The following CCDC102B variants were observed in gnomAD, a reference collection of about 807,000 sequenced individuals.
CCDC102B encodes coiled-coil domain containing 102B, also known as coiled-coil domain-containing protein 102B.
Under a neutral mutation model 57.4 loss-of-function variants are expected in CCDC102B, and 75 were observed. The observed-to-expected ratio is 1.31, with a 90% CI of 1.08 to 1.58. The LOEUF (loss-of-function observed/expected upper bound fraction) is 1.58, where lower values mean the gene tolerates loss of function less well. Among genes scored for constraint, CCDC102B ranks in the 40% most tolerant of loss-of-function variants. The pLI, the probability that CCDC102B is intolerant of heterozygous loss-of-function variation, is 0.00. For synonymous variants in CCDC102B, 206 were observed against 201.9 expected (o/e 1.02, Z -0.17); for missense variants, 636 against 582.6 (o/e 1.09, Z -0.94).
intron 5 of CCDC102B, among the ~76,000 whole-genome samples, chr18:68,878,914 T>C (rs949949404): frequency 6.6e-6 from 1 of 152,286 alleles, no homozygotes; most frequent in Admixed American, 6.5e-5. Flanking sequence ...TGGTGAGTGT[T>C]ACAGTTCTTA....
At position 68,905,715 on chromosome 18, in the gene CCDC102B, G is replaced by C. The variant is rs2040606338; in HGVS notation, c.1263+8287G>C. ...CCTAGCAACCGCACTTCTGCTTTCT[G>C]TCATTCTGGATTTCGGGATATTTCA... On this transcript the variant is annotated intron_variant, in intron 6 of 7. Coordinates refer to ENST00000360242, the MANE Select transcript of CCDC102B (RefSeq NM_024781.3). 3.4e-5 allele frequency among the ~76,000 whole-genome samples: 5 copies of C among 146,088 alleles called. No individual in the cohort carries two copies. The South Asian group carries it at 1.1e-3, about 32-fold the overall frequency.
At chr18:68,949,734 G>C (rs767246995) in intron 6 of CCDC102B, among the ~76,000 whole-genome samples, 1 of 151,682 alleles carries the variant, frequency 6.6e-6, no homozygotes, top group Non-Finnish European at 1.5e-5. Flanking sequence ...ATGTTTTTTC[G>C]TCTTTCGCTA....
chr18:68,854,881 A>G (rs991519402), intron 4 of CCDC102B, among the ~76,000 whole-genome samples: 1 of 152,140 alleles, frequency 6.6e-6, no homozygotes, highest in African/African-American at 2.4e-5. Flanking sequence ...TGTTTTTTCT[A>G]TATAAGTGGC....
chr18:68,904,501 CT>C, intron 6 of CCDC102B, among the ~76,000 whole-genome samples: 1 of 152,212 alleles, frequency 6.6e-6, no homozygotes, highest in Middle Eastern at 3.4e-3. Flanking sequence ...GAACAATGGT[CT>C]TTTGCCAAGT....
chr18:68,789,428 C>T (rs1176433687), intron 2 of CCDC102B, among the ~76,000 whole-genome samples: 5 of 152,162 alleles, frequency 3.3e-5, no homozygotes, highest in Admixed American at 3.3e-4. Context: ...AGAGTGTTTT[C>T]CAACTTGGTT....
At chr18:69,038,286 T>A (rs1160296758) in intron 7 of CCDC102B, among the ~76,000 whole-genome samples, 1 of 151,910 alleles carries the variant, frequency 6.6e-6, no homozygotes, top group African/African-American at 2.4e-5. Flanking sequence ...AACATAATAT[T>A]TTCAGTAACC....
chr18:68,763,500 C>T (rs889412821), intron 2 of CCDC102B, among the ~76,000 whole-genome samples: 7 of 152,070 alleles, frequency 4.6e-5, no homozygotes, highest in Admixed American at 3.9e-4. Flanking sequence ...AATGCTTGCT[C>T]AATAATAGCA....
intron 6 of CCDC102B, among the ~76,000 whole-genome samples, chr18:68,998,987 TATATATATATATAGAGAGAGAGAGAG>T (rs1192697388): frequency 3.7e-5 from 3 of 80,848 alleles, no homozygotes; most frequent in Non-Finnish European, 5.0e-5. Context: ...TATATATATA[TATATATATATATAGAGAGAGAGAGAG>T]AGAGAGAGAG....
At chr18:68,838,087 TG>T (rs1184351845) in intron 2 of CCDC102B, among the ~76,000 whole-genome samples, 1 of 152,190 alleles carries the variant, frequency 6.6e-6, no homozygotes, top group Non-Finnish European at 1.5e-5. Flanking sequence ...AAATTTAAAT[TG>T]TAGGCAAATA....
At chr18:68,810,691 T>A (rs1315306704) in intron 1 of CCDC102B, among the ~76,000 whole-genome samples, 116 of 142,632 alleles carry the variant, frequency 8.1e-4, no homozygotes, top group African/African-American at 3.1e-3. Flanking sequence ...TTTTTTTTTT[T>A]TTTTTTTTTT....
At chr18:68,810,690 T>TTA (rs1568263240) in intron 1 of CCDC102B, among the ~76,000 whole-genome samples, 7 of 138,892 alleles carry the variant, frequency 5.0e-5, no homozygotes, top group African/African-American at 1.5e-4. Flanking sequence ...GTTTTTTTTT[T>TTA]TTTTTTTTTT....
intron 7 of CCDC102B, among the ~76,000 whole-genome samples, chr18:69,014,200 C>A (rs1207046977): frequency 6.6e-6 from 1 of 152,168 alleles, no homozygotes; most frequent in Non-Finnish European, 1.5e-5. Context: ...AAGTGAGCTT[C>A]TAGTCTGGGC....
chr18:68,838,485 T>A, intron 2 of CCDC102B: 5 of 985,252 alleles, frequency 5.1e-6, no homozygotes, highest in Non-Finnish European at 6.0e-6. Context: ...GCAGAACTTT[T>A]GAGAAATGTA....
chr18:68,765,302 A>G lies in CCDC102B; in HGVS notation c.-67+48708A>G, dbSNP rs545941701. 7.6e-4 allele frequency among the ~76,000 whole-genome samples: 61 copies of G among 80,470 alleles called. No homozygotes were observed. In the South Asian group the frequency reaches 0.026, roughly 35 times the overall value. The allele number at this position is 80,470 out of a possible 152,430, so 52.8% of individuals were successfully genotyped here. ...AAGAAAGAAAAGAAAGAAAGGAAGG[A>G]AGGAAGGAAGGAAGGAAGGAAGGAA... On this transcript the variant is annotated intron_variant, in intron 2 of 3. Transcript: ENST00000578970.
At chr18:68,744,860 A>C (rs2033550248) in intron 2 of CCDC102B, among the ~76,000 whole-genome samples, 1 of 152,134 alleles carries the variant, frequency 6.6e-6, no homozygotes, top group Admixed American at 6.5e-5. Context: ...TAACTAGAGA[A>C]TGCTCTCCGA....
At chr18:68,848,647 A>G (rs781099503) in intron 4 of CCDC102B, among the ~76,000 whole-genome samples, 3 of 152,098 alleles carry the variant, frequency 2.0e-5, no homozygotes, top group Non-Finnish European at 2.9e-5. Flanking sequence ...TGCTGTTTCC[A>G]TGCTGAATTT....
chr18:69,054,900 T>C lies in CCDC102B; in HGVS notation c.*763T>C, dbSNP rs1410962636. 1 of 985,342 alleles carries C rather than the reference T, an allele frequency of 1.0e-6. No individual in the cohort carries two copies. 61.0% of individuals were successfully genotyped at this position (985,342 alleles called of 1,614,324 possible). A position where few individuals can be genotyped will look rare whatever the true frequency, so the allele number is the denominator to read the frequency against. ...TAAGCTGTGGTTTCCCTCTGAGTAGTGGGAATAGAGAAAATTAGGAAATTG... is the reference window on the plus strand; with the variant it reads ...TAAGCTGTGGTTTCCCTCTGAGTAGCGGGAATAGAGAAAATTAGGAAATTG... On this transcript the variant is annotated 3_prime_UTR_variant, in exon 8 of 8. Transcript: ENST00000360242.
intron 6 of CCDC102B, among the ~76,000 whole-genome samples, chr18:68,913,951 G>A (rs373757586): frequency 7.9e-5 from 12 of 152,284 alleles, no homozygotes; most frequent in African/African-American, 2.9e-4. Flanking sequence ...CAGATAGGGT[G>A]CTTTCTGAAG....
intron 2 of CCDC102B, among the ~76,000 whole-genome samples, chr18:68,792,130 C>G (rs2035482900): frequency 1.3e-5 from 2 of 152,172 alleles, no homozygotes; most frequent in South Asian, 4.1e-4. Context: ...TAACCATTTA[C>G]TGCTGCTATG....
Sources: gnomAD v4.1 joint callset for allele counts (sites outside exome capture counted in the v4.1 genomes callset) on GRCh38, gnomAD v4.1.1 for gene constraint, MANE v1.5 for transcripts, NCBI Gene and HGNC (gene_info 2026-07-23, HGNC 2026-07-21) for gene names.